The following ANGPT1 variants were observed in gnomAD, a reference collection of about 807,000 sequenced individuals.
ANGPT1 encodes the protein angiopoietin 1, also known as angiopoietin-1.
ANGPT1 carries 17 observed loss-of-function variants against 62.2 expected under a neutral mutation model. That is an observed-to-expected ratio of 0.27 (90% CI 0.19 to 0.41). ANGPT1 has a LOEUF of 0.41. Ranked by LOEUF, ANGPT1 falls within the 10% of genes least tolerant of loss-of-function variation. The pLI is 1.00. For synonymous variants in ANGPT1, 199 were observed against 198.9 expected (o/e 1.00, Z 0.00); for missense variants, 478 against 594.9 (o/e 0.80, Z 2.04).
intron 1 of ANGPT1, among the ~76,000 whole-genome samples, chr8:107,442,480 C>T (rs1811507251): frequency 6.6e-6 from 1 of 152,046 alleles, no homozygotes; most frequent in South Asian, 2.1e-4. Flanking sequence ...TAGCTCCTTA[C>T]TAGATAACAG....
At chr8:107,484,548 T>A (rs748029847) in intron 1 of ANGPT1, among the ~76,000 whole-genome samples, 9 of 152,024 alleles carry the variant, frequency 5.9e-5, no homozygotes, top group Non-Finnish European at 8.8e-5. Context: ...ACTACAGGCA[T>A]GTGCCAGCCA....
chr8:107,385,369 G>A lies in ANGPT1; in HGVS notation c.298-38272C>T, dbSNP rs1048429402. ...CACCTTCCTGGTTAGCTGTATTCTAGGTATTTAATTCATTTTGTGGCTACT... is the reference window on the plus strand; with the variant it reads ...CACCTTCCTGGTTAGCTGTATTCTAAGTATTTAATTCATTTTGTGGCTACT... On this transcript the variant is annotated intron_variant, in intron 1 of 8. Coordinates refer to ENST00000517746, the MANE Select transcript of ANGPT1 (RefSeq NM_001146.5). Among the ~76,000 whole-genome samples, 3 of 152,048 alleles carry A rather than the reference G, an allele frequency of 2.0e-5. 1 individual carries two copies. Among genetic ancestry groups the A allele is most frequent in the Admixed American group, 2.0e-4 (3 of 15,230 alleles).
At chr8:107,323,732 T>C (rs1401466788) in intron 3 of ANGPT1, among the ~76,000 whole-genome samples, 1 of 152,120 alleles carries the variant, frequency 6.6e-6, no homozygotes, top group Non-Finnish European at 1.5e-5. Flanking sequence ...ATGGTTGCTA[T>C]GTGTCAGGTA....
chr8:107,379,460 T>C (rs916980854), intron 1 of ANGPT1, among the ~76,000 whole-genome samples: 1 of 152,172 alleles, frequency 6.6e-6, no homozygotes, highest in African/African-American at 2.4e-5. Flanking sequence ...TACAGCACTG[T>C]TTGTTTAAGT....
chr8:107,336,540 C>T (rs976009299), intron 2 of ANGPT1: 2 of 270,486 alleles, frequency 7.4e-6, no homozygotes, highest in Non-Finnish European at 1.3e-5. Context: ...TAGCGGGCGC[C>T]TGTAGTCCCA....
At chr8:107,476,320 C>A (rs1011371447) in intron 1 of ANGPT1, among the ~76,000 whole-genome samples, 1 of 152,036 alleles carries the variant, frequency 6.6e-6, no homozygotes, top group African/African-American at 2.4e-5. Flanking sequence ...TCATTCTCAG[C>A]AAACTATTGC....
chr8:107,346,942 C>G lies in ANGPT1; in HGVS notation c.453G>C (p.Gln151His). ...QTRKLTDVET[Q>H]VLNQTSRLEI... is the part of the protein sequence containing the mutation. ...TGTGGACTCTGGCCCTGGGGTGTAC[C>G]TGGGTCTCAACATCTGTCAGCTTTC... Residue 151 changes from glutamine (Q) to histidine (H), a missense_variant and splice_region_variant, in exon 2 of 9, where the codon CAG (glutamine) becomes CAC (histidine). Around this residue, in one of 4 missense-constraint regions of ANGPT1, gnomAD observed 343 missense variants for 355.4 expected, o/e 0.97. Coordinates refer to ENST00000517746, the MANE Select transcript of ANGPT1 (RefSeq NM_001146.5). 6.2e-7 allele frequency: 1 copy of G among 1,610,166 alleles called. No homozygotes were observed. The highest frequency in any genetic ancestry group is 8.5e-7 in the Non-Finnish European group (1 of 1,178,116).
At chr8:107,407,356 T>C (rs894238357) in intron 1 of ANGPT1, among the ~76,000 whole-genome samples, 1 of 152,148 alleles carries the variant, frequency 6.6e-6, no homozygotes, top group Non-Finnish European at 1.5e-5. Context: ...TATTTAAAGC[T>C]GTATGTAAAT....
At chr8:107,419,342 C>G (rs898902330) in intron 1 of ANGPT1, among the ~76,000 whole-genome samples, 1 of 152,066 alleles carries the variant, frequency 6.6e-6, no homozygotes, top group African/African-American at 2.4e-5. Flanking sequence ...CCAGAGGTGC[C>G]CATTCTGTAC....
Position 107,304,475 on chromosome 8 carries a change from T to C in ANGPT1, c.809-1108A>G, listed in dbSNP as rs1432889594. 3.3e-5 allele frequency among the ~76,000 whole-genome samples: 5 copies of C among 151,840 alleles called. No individual in the cohort carries two copies. The East Asian group carries it at 5.8e-4, about 18-fold the overall frequency. Reference sequence around the variant, plus strand: ...TGCATTCAAACACATTGAGTTATAATAGTCTTTTATAATAAAAATAACAAA... The same window carrying C: ...TGCATTCAAACACATTGAGTTATAACAGTCTTTTATAATAAAAATAACAAA... On this transcript the variant is annotated intron_variant, in intron 4 of 8. Transcript: ENST00000517746.
chr8:107,441,616 C>T (rs1811477675), intron 1 of ANGPT1, among the ~76,000 whole-genome samples: 8 of 152,090 alleles, frequency 5.3e-5, no homozygotes, highest in Admixed American at 5.2e-4. Context: ...TTGTTTAATC[C>T]TAAACAATTT....
intron 1 of ANGPT1, among the ~76,000 whole-genome samples, chr8:107,483,766 G>T (rs942044652): frequency 2.6e-5 from 4 of 152,046 alleles, no homozygotes; most frequent in African/African-American, 9.7e-5. Context: ...CTGTAATGAA[G>T]TGTTCCTGAA....
intron 4 of ANGPT1, among the ~76,000 whole-genome samples, chr8:107,321,477 A>T (rs776004559): frequency 2.6e-5 from 4 of 152,198 alleles, no homozygotes; most frequent in Non-Finnish European, 5.9e-5. Flanking sequence ...TTTAAAAGGA[A>T]ATAATAAATA....
intron 8 of ANGPT1, among the ~76,000 whole-genome samples, chr8:107,262,894 T>A (rs1026727532): frequency 3.3e-5 from 5 of 152,254 alleles, no homozygotes. Flanking sequence ...CAGTCATGTA[T>A]CAACTTCACA....
At chr8:107,298,762 T>C (rs1814481033) in intron 5 of ANGPT1, among the ~76,000 whole-genome samples, 1 of 151,870 alleles carries the variant, frequency 6.6e-6, no homozygotes, top group Admixed American at 6.6e-5. Flanking sequence ...TTTCCTTTAA[T>C]AACCCTAGTT....
At chr8:107,377,456 A>G (rs1340766065) in intron 1 of ANGPT1, among the ~76,000 whole-genome samples, 1 of 152,190 alleles carries the variant, frequency 6.6e-6, no homozygotes, top group African/African-American at 2.4e-5. Context: ...ACCTGTTCAT[A>G]CTGACATTTA....
At chr8:107,393,848 A>G (rs545547353) in intron 1 of ANGPT1, among the ~76,000 whole-genome samples, 1 of 152,094 alleles carries the variant, frequency 6.6e-6, no homozygotes, top group Non-Finnish European at 1.5e-5. Context: ...TGGGGGATGA[A>G]CCTGACCTAC....
chr8:107,387,655 T>C (rs1254467399), intron 1 of ANGPT1, among the ~76,000 whole-genome samples: 1 of 151,804 alleles, frequency 6.6e-6, no homozygotes, highest in African/African-American at 2.4e-5. Flanking sequence ...TTATTCACAA[T>C]CTTGAGCAAG....
At chr8:107,488,237 G>A (rs980942675) in intron 1 of ANGPT1, among the ~76,000 whole-genome samples, 1 of 152,104 alleles carries the variant, frequency 6.6e-6, no homozygotes, top group Non-Finnish European at 1.5e-5. Context: ...ACAACAGCTT[G>A]GCAACAAATT....
Sources: gnomAD v4.1 joint callset for allele counts (sites outside exome capture counted in the v4.1 genomes callset) on GRCh38, gnomAD v4.1.1 for gene constraint, gnomAD v4.1.1 regional missense constraint, MANE v1.5 for transcripts, NCBI Gene and HGNC (gene_info 2026-07-23, HGNC 2026-07-21) for gene names.